The following GLIS3 variants were observed in gnomAD, a reference collection of about 807,000 sequenced individuals.
The protein encoded by GLIS3 is GLIS family zinc finger 3.
GLIS3 carries 53 observed loss-of-function variants against 78.6 expected under a neutral mutation model. The observed-to-expected ratio is 0.67, with a 90% CI of 0.54 to 0.85. The LOEUF is 0.85. GLIS3 is among the 40% of genes least tolerant of loss of function. GLIS3 has a pLI of 0.00. For missense variants in GLIS3, 1,703 were observed against 1,231.1 expected (o/e 1.38, Z -5.74); for synonymous variants, 684 against 509.9 (o/e 1.34, Z -4.60).
intron 7 of GLIS3, among the ~76,000 whole-genome samples, chr9:3,891,862 C>G (rs559313927): frequency 1.3e-5 from 2 of 152,280 alleles, no homozygotes; most frequent in Admixed American, 1.3e-4. Flanking sequence ...AGTACATCCA[C>G]TTCTCAGAAA....
the GLIS3 span, among the ~76,000 whole-genome samples, chr9:4,441,701 G>T: frequency 6.6e-6 from 1 of 152,054 alleles, no homozygotes; most frequent in Non-Finnish European, 1.5e-5. Flanking sequence ...CTGCCTCTCG[G>T]GTTCAAGCCA....
At chr9:4,265,937 G>A (rs1394860678) in intron 2 of GLIS3, among the ~76,000 whole-genome samples, 1 of 5,972 alleles carries the variant, frequency 1.7e-4, no homozygotes, top group Non-Finnish European at 2.8e-4. Context: ...TGTTTGTTTG[G>A]AGACGGAGTC....
At chr9:4,464,609 G>T in the GLIS3 span, among the ~76,000 whole-genome samples, 1 of 152,076 alleles carries the variant, frequency 6.6e-6, no homozygotes, top group African/African-American at 2.4e-5. Context: ...TGGCCAGGCT[G>T]GTTTTGAACT....
chr9:3,926,631 T>C (rs556980427), intron 6 of GLIS3, among the ~76,000 whole-genome samples: 1 of 152,150 alleles, frequency 6.6e-6, no homozygotes, highest in East Asian at 1.9e-4. Context: ...TTCTTTTCTT[T>C]CTTTCTTTTG....
intron 2 of GLIS3, among the ~76,000 whole-genome samples, chr9:4,321,744 C>T (rs915822635): frequency 1.3e-5 from 2 of 151,810 alleles, no homozygotes; most frequent in African/African-American, 4.8e-5. Flanking sequence ...GACAGAGTCT[C>T]ACTGTCCAGG....
the GLIS3 span, among the ~76,000 whole-genome samples, chr9:4,431,554 G>A: frequency 1.3e-5 from 2 of 152,068 alleles, no homozygotes; most frequent in Non-Finnish European, 2.9e-5. Context: ...TCTGTAAAAG[G>A]CCATATAGGG....
the GLIS3 span, among the ~76,000 whole-genome samples, chr9:4,429,747 C>G: frequency 6.6e-6 from 1 of 152,134 alleles, no homozygotes; most frequent in East Asian, 1.9e-4. Flanking sequence ...AAGTGCTCAA[C>G]GTAATTTAAA....
intron 2 of GLIS3, among the ~76,000 whole-genome samples, chr9:4,149,110 C>T (rs931341435): frequency 6.6e-6 from 1 of 152,178 alleles, no homozygotes; most frequent in African/African-American, 2.4e-5. Context: ...TGTACTATTA[C>T]AGCTGCTACT....
At chr9:4,435,275 G>T in the GLIS3 span, among the ~76,000 whole-genome samples, 7 of 152,246 alleles carry the variant, frequency 4.6e-5, no homozygotes, top group East Asian at 1.2e-3. Flanking sequence ...AATTATAATG[G>T]ATTGTAAAAT....
At chr9:4,135,462 T>C (rs976685263) in intron 2 of GLIS3, among the ~76,000 whole-genome samples, 2 of 152,152 alleles carry the variant, frequency 1.3e-5, no homozygotes, top group African/African-American at 4.8e-5. Flanking sequence ...TTGACCCCTA[T>C]ATTCTTGAGA....
chr9:4,289,473 C>A (rs1341808340), intron 1 of GLIS3, among the ~76,000 whole-genome samples: 1 of 152,094 alleles, frequency 6.6e-6, no homozygotes, highest in Non-Finnish European at 1.5e-5. Flanking sequence ...TAACCATGAA[C>A]AACAAATTTC....
At position 4,118,313 on chromosome 9, in the gene GLIS3, C is replaced by A; in HGVS notation, c.1165G>T (p.Ala389Ser). The change falls in exon 4 of 11, where the codon GCC (alanine) becomes TCC (serine). Residue 389 changes from alanine (A) to serine (S), a missense_variant. By Grantham distance (99) the Ala-to-Ser change is moderately conservative (BLOSUM62 1). Coordinates refer to ENST00000381971, the MANE Select transcript of GLIS3 (RefSeq NM_001042413.2). This position sits in a 1 kb window ranked among gnomAD's most constrained non-coding sequence, Gnocchi z 4.7. ...TGTTGCATGCGCTCGTGCTCCAGGG[C>A]CCCGTCCTCGCCGTAGGCCGGCAGC... is the stretch of plus-strand genomic sequence containing the variant. ...LALPAYGEDG[A>S]LEHERMQQLE... The A allele has an allele frequency of 6.4e-7, 1 of 1,574,592 alleles. No individual in the cohort carries two copies. Among genetic ancestry groups the A allele is most frequent in the Admixed American group, 1.8e-5 (1 of 54,998 alleles).
chr9:3,978,359 T>C lies in GLIS3; in HGVS notation c.1711-41170A>G, dbSNP rs534446374. On this transcript the variant is annotated intron_variant, in intron 4 of 10. Coordinates refer to ENST00000381971, the MANE Select transcript of GLIS3 (RefSeq NM_001042413.2). ...TAGAAACTATTACTATATTGGTATA[T>C]ATCTTCCACACTTTGATGGGAATAT... is the stretch of plus-strand genomic sequence containing the variant. Among the ~76,000 whole-genome samples the C allele has an allele frequency of 1.2e-3, 178 of 152,310 alleles. 2 individuals carry two copies. The highest frequency in any genetic ancestry group is 1.9e-3 in the Non-Finnish European group (131 of 68,016).
At chr9:4,062,582 A>G (rs1163897419) in intron 4 of GLIS3, among the ~76,000 whole-genome samples, 1 of 152,232 alleles carries the variant, frequency 6.6e-6, no homozygotes, top group Admixed American at 6.5e-5. Context: ...AAATGGGATT[A>G]TAACTCTTCT....
chr9:4,358,281 G>A, the GLIS3 span, among the ~76,000 whole-genome samples: 2 of 151,872 alleles, frequency 1.3e-5, no homozygotes, highest in East Asian at 3.9e-4. Context: ...TCGTTTTAAT[G>A]CTCGATTTTT....
intron 2 of GLIS3, among the ~76,000 whole-genome samples, chr9:4,161,989 G>C (rs532891683): frequency 6.6e-6 from 1 of 152,124 alleles, no homozygotes; most frequent in East Asian, 1.9e-4. Flanking sequence ...CCCAGGCTGA[G>C]GCTAGAATTC....
intron 4 of GLIS3, among the ~76,000 whole-genome samples, chr9:4,035,586 C>G (rs904426961): frequency 2.6e-5 from 4 of 152,042 alleles, no homozygotes; most frequent in African/African-American, 9.7e-5. Context: ...TTCTCTGTTA[C>G]TGCAGCAGTG....
At chr9:4,438,430 A>T in the GLIS3 span, among the ~76,000 whole-genome samples, 1 of 152,062 alleles carries the variant, frequency 6.6e-6, no homozygotes, top group Non-Finnish European at 1.5e-5. Context: ...AAGCTTCCCC[A>T]CCCCGTGATT....
In GLIS3 at chr9:3,853,818, T is replaced by A. The variant is rs112887053; in HGVS notation, c.2473+2191A>T. On this transcript the variant is annotated intron_variant, in intron 9 of 10. Coordinates refer to ENST00000381971, the MANE Select transcript of GLIS3 (RefSeq NM_001042413.2). ...ATATTTTGGAGAACTTCCTTCCAAT[T>A]TTTCTTCTACACATAGGTCAATTTT... Among the ~76,000 whole-genome samples, 1,266 of 152,324 alleles carry A rather than the reference T, an allele frequency of 8.3e-3. 27 individuals are homozygous for A. The highest frequency in any genetic ancestry group is 0.028 in the African/African-American group (1,169 of 41,558).
Sources: allele counts gnomAD v4.1 joint callset (sites outside exome capture counted in the v4.1 genomes callset), GRCh38; gene constraint gnomAD v4.1.1; non-coding constraint Gnocchi (gnomAD v3.1); transcripts MANE v1.5; gene names NCBI Gene and HGNC (gene_info 2026-07-23, HGNC 2026-07-21).